AIG1: variants seen among roughly 807,000 people sequenced by gnomAD.
AIG1 encodes androgen-induced gene 1 protein.
A neutral mutation model predicts 31.4 loss-of-function variants in AIG1; 23 were observed. The observed-to-expected ratio is 0.73, with a 90% confidence interval of 0.53 to 1.04. The LOEUF (loss-of-function observed/expected upper bound fraction) is 1.04, where lower values mean the gene tolerates loss of function less well. Among genes scored for constraint, AIG1 ranks in the 50% least tolerant of loss-of-function variants. The pLI, the probability that AIG1 is intolerant of heterozygous loss-of-function variation, is 0.00. For synonymous variants in AIG1, 100 were observed against 110.5 expected, an observed-to-expected ratio of 0.90 and a Z score of 0.60; for missense variants, 274 against 295.0, an observed-to-expected ratio of 0.93 and a Z score of 0.52.
chr6:143,060,847 G>A, upstream of AIG1: 2 of 948,196 alleles, frequency 2.1e-6, no homozygotes, highest in Non-Finnish European at 2.5e-6. Flanking sequence ...GGGTTCCCAC[G>A]GCGCCCGCCC....
At chr6:143,244,230 G>C (rs1052367416) in intron 3 of AIG1, among the ~76,000 whole-genome samples, 4 of 152,216 alleles carry the variant, frequency 2.6e-5, no homozygotes, top group Non-Finnish European at 1.5e-5. Flanking sequence ...AATGAACACA[G>C]ACGAGATTGG....
At chr6:143,319,153 A>G (rs1000274855) in intron 4 of AIG1, among the ~76,000 whole-genome samples, 7 of 152,158 alleles carry the variant, frequency 4.6e-5, no homozygotes, top group Non-Finnish European at 8.8e-5. Context: ...ATAAGTCATT[A>G]TATGAAAAAG....
rs1400220673 is a variant in AIG1, at chr6:143,339,661, G to C, written c.702G>C (p.Lys234Asn). 6.2e-7 allele frequency: 1 copy of C among 1,613,204 alleles called. No homozygotes were observed. The highest frequency in any genetic ancestry group is 8.5e-7 in the Non-Finnish European group (1 of 1,179,650). ...TAGGTATGGAAGAAGAGAAAGAAAA[G>C]CCTAAATTGGAATGAGATCCAAGTC... ...TQKSMEEEKEKPKLE is the reference protein window; with the variant it reads ...TQKSMEEEKENPKLE The change falls in exon 6 of 6, where the codon AAG (lysine) becomes AAC (asparagine). Residue 234 changes from lysine to asparagine, a missense_variant. Lys to Asn is a moderately conservative substitution (Grantham distance 94, BLOSUM62 0). Around this residue, in one of 2 missense-constraint regions of AIG1, gnomAD observed 31 missense variants for 56.5 expected, o/e 0.55. Coordinates refer to ENST00000357847, the MANE Select transcript of AIG1 (RefSeq NM_016108.4).
intron 1 of AIG1, among the ~76,000 whole-genome samples, chr6:143,081,244 G>A (rs987969788): frequency 3.9e-5 from 6 of 152,074 alleles, no homozygotes; most frequent in African/African-American, 1.5e-4. Context: ...CCTGAGGATC[G>A]TGGCCTCCAG....
chr6:143,341,927 A>G (rs887632127), downstream of AIG1, among the ~76,000 whole-genome samples: 1 of 151,884 alleles, frequency 6.6e-6, no homozygotes, highest in Non-Finnish European at 1.5e-5. Context: ...GTACTAAAAA[A>G]TTTTTTTTTG....
downstream of AIG1, chr6:143,342,105 C>T (rs887605383): frequency 9.4e-6 from 4 of 424,878 alleles, no homozygotes; most frequent in East Asian, 4.5e-5. Context: ...TTGTACTTTT[C>T]GTAGAGACGG....
At chr6:143,192,823 A>G (rs548067655) in intron 3 of AIG1, among the ~76,000 whole-genome samples, 1 of 152,350 alleles carries the variant, frequency 6.6e-6, no homozygotes, top group Admixed American at 6.5e-5. Flanking sequence ...TTGTATGAAC[A>G]TTCAAGTCCA....
At chr6:143,176,261 G>A (rs562546042) in intron 3 of AIG1, among the ~76,000 whole-genome samples, 58 of 152,258 alleles carry the variant, frequency 3.8e-4, no homozygotes, top group Middle Eastern at 6.8e-3. Context: ...TTTGTGCACT[G>A]GTTTTGTGTT....
At chr6:143,214,984 G>A (rs548460492) in intron 3 of AIG1, among the ~76,000 whole-genome samples, 2 of 152,190 alleles carry the variant, frequency 1.3e-5, no homozygotes, top group South Asian at 2.1e-4. Context: ...ACCCTCAATG[G>A]CCATTGTCCA....
chr6:143,257,375 AGGGACC>A (rs1795443509), intron 3 of AIG1, among the ~76,000 whole-genome samples: 1 of 152,268 alleles, frequency 6.6e-6, no homozygotes, highest in Non-Finnish European at 1.5e-5. Context: ...ATTGTTATTC[AGGGACC>A]TTCTCGAACA....
At chr6:143,214,833 T>C (rs1791890504) in intron 3 of AIG1, among the ~76,000 whole-genome samples, 1 of 152,180 alleles carries the variant, frequency 6.6e-6, no homozygotes, top group Non-Finnish European at 1.5e-5. Context: ...CACCTGCTGC[T>C]CCCTCATATT....
Position 143,250,679 on chromosome 6 carries a change from G to A in AIG1, c.400-33431G>A, listed in dbSNP as rs573526905. On this transcript the variant is annotated intron_variant, in intron 3 of 5. Transcript: ENST00000357847. ...CCACAGAGACAGAGATTGGAGTGAC[G>A]CCGCTACAAGCCAAGGACTTCCAGC... Among the ~76,000 whole-genome samples, 136 of 152,094 alleles carry A rather than the reference G, an allele frequency of 8.9e-4. 1 individual carries two copies. Among genetic ancestry groups the A allele is most frequent in the African/African-American group, 3.3e-3 (135 of 41,520 alleles).
intron 3 of AIG1, among the ~76,000 whole-genome samples, chr6:143,200,385 TAAC>T (rs761614357): frequency 1.6e-4 from 25 of 152,280 alleles, no homozygotes; most frequent in Non-Finnish European, 2.9e-4. Flanking sequence ...GTCACTGGTG[TAAC>T]AACAGCTGTA....
chr6:143,310,568 A>G (rs1775183127), intron 4 of AIG1, among the ~76,000 whole-genome samples: 1 of 151,674 alleles, frequency 6.6e-6, no homozygotes, highest in Admixed American at 6.6e-5. Context: ...TAGAGAAGGA[A>G]CAATTTAAGT....
chr6:143,305,927 T>C (rs1401328203), intron 4 of AIG1, among the ~76,000 whole-genome samples: 1 of 152,208 alleles, frequency 6.6e-6, no homozygotes, highest in Non-Finnish European at 1.5e-5. Context: ...GGTGCATATA[T>C]ATTTAGTATA....
At chr6:143,237,355 T>G (rs987272178) in intron 3 of AIG1, among the ~76,000 whole-genome samples, 4 of 152,192 alleles carry the variant, frequency 2.6e-5, no homozygotes, top group Non-Finnish European at 5.9e-5. Context: ...GAAGAAGTCT[T>G]GTCTCATGAA....
chr6:143,300,190 G>A (rs1798729218), intron 4 of AIG1, among the ~76,000 whole-genome samples: 1 of 152,176 alleles, frequency 6.6e-6, no homozygotes, highest in African/African-American at 2.4e-5. Context: ...GGACCAATGA[G>A]CATGTCACTC....
intron 1 of AIG1, among the ~76,000 whole-genome samples, chr6:143,127,344 C>T (rs76676091): frequency 0.012 from 1,820 of 152,228 alleles, 45 homozygotes; most frequent in African/African-American, 0.04. Flanking sequence ...CTCAGCATTC[C>T]GTCTTCTTGT....
Position 143,092,771 on chromosome 6 carries a change from C to A in AIG1, c.141+31705C>A, listed in dbSNP as rs557584485. Among the ~76,000 whole-genome samples the A allele has an allele frequency of 1.4e-4, 21 of 152,228 alleles. No individual in the cohort carries two copies. In the East Asian group the frequency reaches 3.9e-3, roughly 28 times the overall value. On this transcript the variant is annotated intron_variant, in intron 1 of 5. Transcript: ENST00000357847. ...GTCCATCAAAGCTTTGAGGTCAGGT[C>A]AGGTGCAGTGGCTTGTGGCTGTAAT...
Sources: gnomAD v4.1 joint callset for allele counts (sites outside exome capture counted in the v4.1 genomes callset) on GRCh38, gnomAD v4.1.1 for gene constraint, gnomAD v4.1.1 regional missense constraint, MANE v1.5 for transcripts, NCBI Gene and HGNC (gene_info 2026-07-23, HGNC 2026-07-21) for gene names.